Variants in HDAC9 observed in about 807,000 individuals in gnomAD.
HDAC9 encodes MEF-2 interacting transcription repressor (MITR) protein.
In HDAC9, 41 loss-of-function variants were observed where a neutral mutation model predicts 139.4. The observed-to-expected ratio is 0.29, with a 90% confidence interval of 0.23 to 0.38. The LOEUF is 0.38. Among genes scored for constraint, HDAC9 ranks in the 10% least tolerant of loss-of-function variants. The probability of loss-of-function intolerance (pLI) is 1.00; values close to 1 mark genes in which losing one functional copy is unlikely to be tolerated. For synonymous variants in HDAC9, 517 were observed against 476.2 expected (o/e 1.09, Z -1.12); for missense variants, 1,147 against 1,297.0 (o/e 0.88, Z 1.78).
intron 2 of HDAC9, among the ~76,000 whole-genome samples, chr7:18,502,057 T>C (rs1798532931): frequency 6.6e-6 from 1 of 152,188 alleles, no homozygotes; most frequent in Non-Finnish European, 1.5e-5. Flanking sequence ...ATCCTAAGAT[T>C]GGATCCTCCA....
chr7:18,475,255 C>T (rs1385182035), intron 1 of HDAC9, among the ~76,000 whole-genome samples: 4 of 152,220 alleles, frequency 2.6e-5, no homozygotes, highest in African/African-American at 4.8e-5. Context: ...TGATCCCACA[C>T]AAAGTGCCAT....
chr7:18,591,373 C>T, intron 4 of HDAC9, 143 bp from the exon 5 acceptor site: 2 of 1,193,304 alleles, frequency 1.7e-6, no homozygotes. Flanking sequence ...AATAGGAAAA[C>T]TTTATGTGCT....
At chr7:18,970,236 C>A (rs926618321) in intron 24 of HDAC9, among the ~76,000 whole-genome samples, 4 of 152,056 alleles carry the variant, frequency 2.6e-5, no homozygotes, top group African/African-American at 9.7e-5. Flanking sequence ...GATAGAGCTA[C>A]AAAACTGATT....
At chr7:18,718,380 C>G (rs749597458) in intron 12 of HDAC9, among the ~76,000 whole-genome samples, 2 of 151,732 alleles carry the variant, frequency 1.3e-5, no homozygotes, top group African/African-American at 4.8e-5. Flanking sequence ...TACAGGTGCA[C>G]GGTGCCACGC....
intron 1 of HDAC9, among the ~76,000 whole-genome samples, chr7:18,132,211 T>A (rs1785058587): frequency 1.3e-5 from 2 of 152,126 alleles, no homozygotes; most frequent in Non-Finnish European, 2.9e-5. Context: ...TTCTCTTTTC[T>A]TCAGACAATG....
intron 1 of HDAC9, among the ~76,000 whole-genome samples, chr7:18,093,251 A>G (rs1364618125): frequency 6.6e-6 from 1 of 152,168 alleles, no homozygotes; most frequent in Non-Finnish European, 1.5e-5. Flanking sequence ...ATACTTTGCC[A>G]AGGGTCGTTC....
At chr7:18,903,862 A>C (rs148953475) in intron 22 of HDAC9, among the ~76,000 whole-genome samples, 8 of 151,998 alleles carry the variant, frequency 5.3e-5, no homozygotes, top group African/African-American at 1.9e-4. Context: ...CTCTCTCTCT[A>C]TTTTATCAAT....
At chr7:18,790,151 G>A (rs115458778) in intron 16 of HDAC9, among the ~76,000 whole-genome samples, 2,469 of 152,188 alleles carry the variant, frequency 0.016, 57 homozygotes, top group African/African-American at 0.056. Flanking sequence ...ATTTGGCCCT[G>A]AACCCCATTT....
At chr7:18,845,648 A>G (rs182509574) in intron 21 of HDAC9, among the ~76,000 whole-genome samples, 4 of 152,198 alleles carry the variant, frequency 2.6e-5, no homozygotes, top group Admixed American at 2.6e-4. Flanking sequence ...GTTTGGTCTC[A>G]TAGTTCTTTT....
chr7:18,670,247 A>G (rs1287316485), intron 12 of HDAC9, among the ~76,000 whole-genome samples: 1 of 152,016 alleles, frequency 6.6e-6, no homozygotes, highest in African/African-American at 2.4e-5. Flanking sequence ...TCCCTTTATT[A>G]TTGATCATTG....
At chr7:18,113,429 C>G (rs527742292) in intron 1 of HDAC9, among the ~76,000 whole-genome samples, 1 of 152,296 alleles carries the variant, frequency 6.6e-6, no homozygotes, top group South Asian at 2.1e-4. Flanking sequence ...TTTTACTTAG[C>G]TTTGCAATGT....
intron 21 of HDAC9, among the ~76,000 whole-genome samples, chr7:18,857,969 T>C (rs1797814999): frequency 6.6e-6 from 1 of 152,178 alleles, no homozygotes; most frequent in Non-Finnish European, 1.5e-5. Context: ...TACTAATAAC[T>C]GTGGAGTATT....
intron 6 of HDAC9, among the ~76,000 whole-genome samples, chr7:18,600,924 T>A (rs955036878): frequency 6.6e-6 from 1 of 152,156 alleles, no homozygotes; most frequent in South Asian, 2.1e-4. Flanking sequence ...CGCCTCAGCC[T>A]CCTGAGTAGC....
chr7:18,284,407 G>C (rs967784620), intron 2 of HDAC9, among the ~76,000 whole-genome samples: 6 of 152,144 alleles, frequency 3.9e-5, no homozygotes, highest in African/African-American at 1.4e-4. Flanking sequence ...AGAAAATATA[G>C]GCTCAGTTAA....
intron 2 of HDAC9, among the ~76,000 whole-genome samples, chr7:18,247,671 T>C (rs1013057415): frequency 2.6e-5 from 4 of 152,234 alleles, no homozygotes; most frequent in Admixed American, 2.0e-4. Flanking sequence ...TTAATTATTC[T>C]AACAAATAAT....
intron 2 of HDAC9, among the ~76,000 whole-genome samples, chr7:18,232,551 C>A (rs74472784): frequency 5.4e-3 from 818 of 152,272 alleles, no homozygotes; most frequent in South Asian, 0.012. Context: ...GTAGTTATTT[C>A]TATTTGTGTT....
intron 2 of HDAC9, among the ~76,000 whole-genome samples, chr7:18,223,110 A>G (rs1384055300): frequency 6.6e-6 from 1 of 152,276 alleles, no homozygotes; most frequent in African/African-American, 2.4e-5. Context: ...GAAGAATGTC[A>G]TATGTTTGTG....
At chr7:18,231,194 C>G (rs1239330969) in intron 2 of HDAC9, among the ~76,000 whole-genome samples, 1 of 152,198 alleles carries the variant, frequency 6.6e-6, no homozygotes, top group Non-Finnish European at 1.5e-5. Flanking sequence ...CAGTAAGGAA[C>G]CAGTCTGGCC....
chr7:18,345,690 T>A (rs909451685), intron 1 of HDAC9, among the ~76,000 whole-genome samples: 1 of 152,014 alleles, frequency 6.6e-6, no homozygotes, highest in African/African-American at 2.4e-5. Context: ...GGATGAGAAT[T>A]CATTTTATCT....
Sources: allele counts gnomAD v4.1 joint callset (sites outside exome capture counted in the v4.1 genomes callset), GRCh38; gene constraint gnomAD v4.1.1; transcripts MANE v1.5; gene names NCBI Gene and HGNC (gene_info 2026-07-23, HGNC 2026-07-21).